The following SPMIP2 variants were observed in gnomAD, a reference collection of about 807,000 sequenced individuals.
SPMIP2 encodes the protein sperm microtubule inner protein 2.
the SPMIP2 span, among the ~76,000 whole-genome samples, chr4:158,955,292 G>A: frequency 1.3e-5 from 2 of 152,188 alleles, no homozygotes; most frequent in Non-Finnish European, 1.5e-5. Flanking sequence ...TAAGGACTCT[G>A]TGTACAAATT....
chr4:158,996,270 C>T, the SPMIP2 span, among the ~76,000 whole-genome samples: 800 of 152,148 alleles, frequency 5.3e-3, 6 homozygotes, highest in African/African-American at 0.018. Flanking sequence ...TAAAACTGAC[C>T]CATCTTGACA....
At chr4:158,987,989 T>C in the SPMIP2 span, among the ~76,000 whole-genome samples, 95,216 of 151,592 alleles carry the variant, frequency 0.63, 30,233 homozygotes, top group Middle Eastern at 0.71. Flanking sequence ...CAAAATATAC[T>C]GCTAGCCAGG....
At chr4:159,007,505 C>T in the SPMIP2 span, 23 of 810,000 alleles carry the variant, frequency 2.8e-5, no homozygotes, top group Non-Finnish European at 4.6e-5. Context: ...GCACCTGATC[C>T]TCAAGATTGA....
At chr4:158,997,498 C>G in the SPMIP2 span, among the ~76,000 whole-genome samples, 1 of 152,156 alleles carries the variant, frequency 6.6e-6, no homozygotes, top group Non-Finnish European at 1.5e-5. Context: ...GGTGGGATTA[C>G]AGGTGTAAGC....
At chr4:159,029,618 A>G in the SPMIP2 span, among the ~76,000 whole-genome samples, 6 of 152,222 alleles carry the variant, frequency 3.9e-5, no homozygotes, top group Admixed American at 6.5e-5. Context: ...GAGTGGGAAA[A>G]CAAAACAAAA....
At chr4:159,005,061 T>C in the SPMIP2 span, among the ~76,000 whole-genome samples, 92 of 152,024 alleles carry the variant, frequency 6.1e-4, no homozygotes, top group African/African-American at 1.9e-3. Context: ...TGAAACCCCA[T>C]CTCTACTAAA....
chr4:159,075,611 C>T, the SPMIP2 span, among the ~76,000 whole-genome samples: 5 of 152,234 alleles, frequency 3.3e-5, no homozygotes, highest in African/African-American at 1.2e-4. Flanking sequence ...GTCACTTTAA[C>T]TTCATCTGTG....
At chr4:158,978,206 A>C in the SPMIP2 span, among the ~76,000 whole-genome samples, 1 of 152,194 alleles carries the variant, frequency 6.6e-6, no homozygotes, top group African/African-American at 2.4e-5. Context: ...CAGGTTGTTC[A>C]GTTTCCAGGT....
At chr4:158,908,037 G>T in the SPMIP2 span, 16 of 152,032 alleles carry the variant, frequency 1.1e-4, no homozygotes, top group African/African-American at 3.4e-4. Flanking sequence ...TAAAACTTTT[G>T]AATTTATCTT....
the SPMIP2 span, among the ~76,000 whole-genome samples, chr4:158,940,361 C>A: frequency 6.6e-6 from 1 of 152,060 alleles, no homozygotes; most frequent in Non-Finnish European, 1.5e-5. Context: ...CGAAATTCAC[C>A]ATATGAACTT....
the SPMIP2 span, among the ~76,000 whole-genome samples, chr4:158,988,627 A>G: frequency 3.3e-5 from 5 of 152,186 alleles, no homozygotes; most frequent in African/African-American, 4.8e-5. Context: ...AACACAACCA[A>G]TGACAAAAAC....
At chr4:159,053,056 A>C in the SPMIP2 span, among the ~76,000 whole-genome samples, 1 of 141,468 alleles carries the variant, frequency 7.1e-6, no homozygotes, top group Non-Finnish European at 1.5e-5. Context: ...TCCCGGGTTC[A>C]CGCCATTCTC....
the SPMIP2 span, among the ~76,000 whole-genome samples, chr4:159,017,807 G>A: frequency 6.6e-6 from 1 of 152,210 alleles, no homozygotes; most frequent in Non-Finnish European, 1.5e-5. Context: ...AGAGCTCAGA[G>A]CCAAGGAGTC....
the SPMIP2 span, among the ~76,000 whole-genome samples, chr4:158,912,228 G>A: frequency 6.6e-6 from 1 of 152,202 alleles, no homozygotes; most frequent in South Asian, 2.1e-4. Flanking sequence ...ATTTTTAAGA[G>A]CATTTTTGGG....
At chr4:158,933,476 T>C in the SPMIP2 span, among the ~76,000 whole-genome samples, 1 of 152,222 alleles carries the variant, frequency 6.6e-6, no homozygotes, top group African/African-American at 2.4e-5. Context: ...TTCCACTTCT[T>C]CATTTGCCCC....
the SPMIP2 span, among the ~76,000 whole-genome samples, chr4:158,908,642 C>T: frequency 6.6e-6 from 1 of 152,154 alleles, no homozygotes; most frequent in Non-Finnish European, 1.5e-5. Context: ...TGTCAGTCTT[C>T]ATTTGTAGCC....
At chr4:158,976,321 A>G in the SPMIP2 span, among the ~76,000 whole-genome samples, 5 of 152,140 alleles carry the variant, frequency 3.3e-5, no homozygotes, top group Admixed American at 2.0e-4. Context: ...TTCCAATACT[A>G]TGTTGAACAG....
At chr4:159,004,221 A>G in the SPMIP2 span, among the ~76,000 whole-genome samples, 7 of 147,864 alleles carry the variant, frequency 4.7e-5, no homozygotes, top group East Asian at 1.2e-3. Flanking sequence ...GGGTTTTGCC[A>G]TGTTGCCCAG....
chr4:158,956,168 A>C, the SPMIP2 span, among the ~76,000 whole-genome samples: 1 of 152,208 alleles, frequency 6.6e-6, no homozygotes, highest in Non-Finnish European at 1.5e-5. Context: ...TCTTGCCCTC[A>C]ATGTGGGCAT....
Sources: gnomAD v4.1 joint callset for allele counts (sites outside exome capture counted in the v4.1 genomes callset) on GRCh38, gnomAD v4.1.1 for gene constraint, MANE v1.5 for transcripts, NCBI Gene and HGNC (gene_info 2026-07-23, HGNC 2026-07-21) for gene names.